The following RMDN2 variants were observed in gnomAD, a reference collection of about 807,000 sequenced individuals.
RMDN2 encodes regulator of microtubule dynamics 2.
RMDN2 carries 61 observed loss-of-function variants against 52.8 expected under a neutral mutation model. That is an observed-to-expected ratio of 1.16 (90% CI 0.94 to 1.43). The LOEUF is 1.43. RMDN2 is among the 40% of genes most tolerant of loss of function. The pLI is 0.00. For synonymous variants in RMDN2, 180 were observed against 153.1 expected (o/e 1.18, Z -1.30); for missense variants, 592 against 475.3 (o/e 1.25, Z -2.28).
At chr2:38,006,014 GAT>G (rs989821914) in intron 10 of RMDN2, among the ~76,000 whole-genome samples, 2 of 152,152 alleles carry the variant, frequency 1.3e-5, no homozygotes, top group Non-Finnish European at 2.9e-5. Context: ...GATGGTTGTA[GAT>G]ATGCAGCATT....
rs879796189 is a variant in RMDN2, at chr2:38,039,085, C to G, written c.1714-27897C>G. 4.3e-3 allele frequency among the ~76,000 whole-genome samples: 370 copies of G among 85,852 alleles called. 3 individuals carry two copies. Among genetic ancestry groups the G allele is most frequent in the East Asian group, 0.024 (29 of 1,192 alleles). 56.3% of individuals were successfully genotyped at this position (85,852 alleles called of 152,430 possible). ...ACACACACACACACACACACACACA[C>G]ACACACACAGAGAGAGAGATAAAAT... On this transcript the variant is annotated intron_variant, in intron 10 of 10. Coordinates refer to the RMDN2 transcript ENST00000234195.
At chr2:37,944,372 A>C (rs984870783) in intron 2 of RMDN2, among the ~76,000 whole-genome samples, 1 of 152,002 alleles carries the variant, frequency 6.6e-6, no homozygotes, top group Non-Finnish European at 1.5e-5. Flanking sequence ...TGAGGACCAT[A>C]CAGTCTCCGT....
chr2:38,010,008 A>G (rs1486938982), intron 10 of RMDN2, among the ~76,000 whole-genome samples: 4 of 152,174 alleles, frequency 2.6e-5, no homozygotes, highest in African/African-American at 9.6e-5. Flanking sequence ...TATCAGCAGC[A>G]GAGGCTGCAG....
chr2:37,936,854 T>C (rs1451852601), intron 2 of RMDN2, among the ~76,000 whole-genome samples: 1 of 152,250 alleles, frequency 6.6e-6, no homozygotes, highest in Non-Finnish European at 1.5e-5. Context: ...GCCTGTTCAC[T>C]CTGATGATAC....
chr2:38,060,828 CA>C (rs10718549), intron 10 of RMDN2, among the ~76,000 whole-genome samples: 101,624 of 151,926 alleles, frequency 0.67, 34,595 homozygotes, highest in South Asian at 0.71. Context: ...GGGTACACAG[CA>C]CAACACCAGG....
chr2:38,003,619 G>A (rs1676662367), intron 8 of RMDN2, among the ~76,000 whole-genome samples: 1 of 152,170 alleles, frequency 6.6e-6, no homozygotes, highest in African/African-American at 2.4e-5. Flanking sequence ...CAGACAGACA[G>A]ACAGACAAAT....
At position 37,952,320 on chromosome 2, in the gene RMDN2, C is replaced by T. The variant is rs566697120; in HGVS notation, c.453-21720C>T. ...CCCCTTTCCTCACAAAGCTTCACTG[C>T]ATTTTCTGAAGAAGATTCCTACATT... On this transcript the variant is annotated intron_variant, in intron 2 of 10. Coordinates refer to ENST00000354545, the MANE Select transcript of RMDN2 (RefSeq NM_001170791.3). 2.5e-5 allele frequency: 23 copies of T among 937,990 alleles called. No homozygotes were observed. In the African/African-American group the frequency reaches 3.8e-4, roughly 16 times the overall value. 58.1% of individuals were successfully genotyped at this position (937,990 alleles called of 1,614,324 possible).
intron 4 of RMDN2, among the ~76,000 whole-genome samples, chr2:37,978,656 T>C (rs1012919028): frequency 1.3e-5 from 2 of 152,142 alleles, no homozygotes; most frequent in Non-Finnish European, 2.9e-5. Context: ...GGAGACCTTG[T>C]CTCTACTAAA....
At chr2:38,059,717 G>A (rs953950308) in intron 10 of RMDN2, among the ~76,000 whole-genome samples, 2 of 152,086 alleles carry the variant, frequency 1.3e-5, no homozygotes, top group African/African-American at 2.4e-5. Context: ...ATGTAGGGAC[G>A]TGGGCAAAGA....
At chr2:37,944,905 G>C (rs938901894) in intron 2 of RMDN2, among the ~76,000 whole-genome samples, 1 of 152,222 alleles carries the variant, frequency 6.6e-6, no homozygotes, top group Non-Finnish European at 1.5e-5. Context: ...CAAGAGTAAA[G>C]ATGCAGGAAA....
chr2:37,963,909 C>CCG (rs903347934), intron 2 of RMDN2, among the ~76,000 whole-genome samples: 6 of 149,724 alleles, frequency 4.0e-5, no homozygotes, highest in Non-Finnish European at 8.9e-5. Flanking sequence ...GAGGCGCCCC[C>CCG]CCACCTCCCG....
At chr2:38,029,770 GT>G (rs1680047581) in intron 10 of RMDN2, 1 of 152,150 alleles carries the variant, frequency 6.6e-6, no homozygotes, top group Admixed American at 6.6e-5. Context: ...ACAAGAGATA[GT>G]GTATTAGTCC....
intron 2 of RMDN2, among the ~76,000 whole-genome samples, chr2:37,931,537 G>T (rs1239790324): frequency 6.6e-6 from 1 of 152,236 alleles, no homozygotes; most frequent in Non-Finnish European, 1.5e-5. Flanking sequence ...TGCTGAAGGA[G>T]TATAGACCAA....
chr2:38,049,174 G>A lies in RMDN2; in HGVS notation c.1714-17808G>A, dbSNP rs142679307. On this transcript the variant is annotated intron_variant, in intron 10 of 10. Transcript: ENST00000234195. ...AGGGATTGTTTCTTATTACACGGTC[G>A]CCTAGGATGGAGCAAGTCAGACCTG... is the stretch of plus-strand genomic sequence containing the variant. Among the ~76,000 whole-genome samples, 8 of 152,250 alleles carry A rather than the reference G, an allele frequency of 5.3e-5. No homozygotes were observed. The East Asian group carries it at 1.2e-3, about 22-fold the overall frequency.
chr2:37,926,600 A>AT (rs76270593), intron 1 of RMDN2, among the ~76,000 whole-genome samples: 41,471 of 152,098 alleles, frequency 0.27, 5,726 homozygotes, highest in Non-Finnish European at 0.29. Flanking sequence ...TAATTACTAT[A>AT]TTTTTTTATA....
intron 2 of RMDN2, among the ~76,000 whole-genome samples, chr2:37,966,160 G>C (rs570099015): frequency 6.6e-6 from 1 of 152,086 alleles, no homozygotes; most frequent in Non-Finnish European, 1.5e-5. Context: ...GGTGGCTCAC[G>C]CCTGTAATCC....
At chr2:38,012,610 T>G in intron 10 of RMDN2, 1 of 468,384 alleles carries the variant, frequency 2.1e-6, no homozygotes, top group Non-Finnish European at 4.4e-6. Flanking sequence ...CAGTGATGTC[T>G]CCATTTGTAT....
intron 4 of RMDN2, among the ~76,000 whole-genome samples, chr2:37,976,623 G>A (rs1029820099): frequency 3.3e-5 from 5 of 152,110 alleles, no homozygotes; most frequent in Non-Finnish European, 5.9e-5. Context: ...CCTCTTGTTT[G>A]CATATTCATC....
At chr2:37,977,184 C>G (rs998030968) in intron 4 of RMDN2, among the ~76,000 whole-genome samples, 1 of 152,236 alleles carries the variant, frequency 6.6e-6, no homozygotes, top group African/African-American at 2.4e-5. Flanking sequence ...AGATTAACAG[C>G]ATCCCAAGGC....
Sources: allele counts gnomAD v4.1 joint callset (sites outside exome capture counted in the v4.1 genomes callset), GRCh38; gene constraint gnomAD v4.1.1; transcripts MANE v1.5; gene names NCBI Gene and HGNC (gene_info 2026-07-23, HGNC 2026-07-21).